The following SLC24A2 variants were observed in gnomAD, a reference collection of about 807,000 sequenced individuals.
SLC24A2 encodes solute carrier family 24 member 2.
In SLC24A2, 36 loss-of-function variants were observed where a neutral mutation model predicts 62.0. That is an observed-to-expected ratio of 0.58 (90% CI 0.44 to 0.77). SLC24A2 has a LOEUF of 0.77. Among genes scored for constraint, SLC24A2 ranks in the 30% least tolerant of loss-of-function variants. SLC24A2 has a pLI of 0.00. For missense variants in SLC24A2, 846 were observed against 817.9 expected, an observed-to-expected ratio of 1.03 and a Z score of -0.42; for synonymous variants, 358 against 294.0, an observed-to-expected ratio of 1.22 and a Z score of -2.23.
At chr9:19,990,922 G>GATATATATATGTGTATAT in the SLC24A2 span, among the ~76,000 whole-genome samples, 84 of 120,814 alleles carry the variant, frequency 7.0e-4, no homozygotes, top group Admixed American at 5.2e-3. Flanking sequence ...GGACTAATAG[G>GATATATATATGTGTATAT]ATATATATAT....
chr9:19,678,668 A>G (rs568945530), intron 2 of SLC24A2, among the ~76,000 whole-genome samples: 1 of 152,304 alleles, frequency 6.6e-6, no homozygotes, highest in African/African-American at 2.4e-5. Flanking sequence ...TTGCCTTTTC[A>G]ACTAACAGAA....
the SLC24A2 span, among the ~76,000 whole-genome samples, chr9:20,008,798 C>A: frequency 3.9e-5 from 6 of 152,266 alleles, no homozygotes; most frequent in East Asian, 1.2e-3. Flanking sequence ...TACTCTACCC[C>A]ACTGGCAGCA....
intron 2 of SLC24A2, among the ~76,000 whole-genome samples, chr9:19,627,630 A>G (rs927840167): frequency 6.6e-6 from 1 of 152,134 alleles, no homozygotes; most frequent in African/African-American, 2.4e-5. Context: ...GGCTCAAGCA[A>G]TCCTCTTGCT....
chr9:19,678,744 A>G (rs1009483948), intron 2 of SLC24A2, among the ~76,000 whole-genome samples: 2 of 152,160 alleles, frequency 1.3e-5, no homozygotes, highest in Non-Finnish European at 2.9e-5. Context: ...ATTTCACTCA[A>G]AGCTCCTCTA....
the SLC24A2 span, among the ~76,000 whole-genome samples, chr9:20,085,893 AAT>A: frequency 3.9e-5 from 6 of 152,052 alleles, no homozygotes; most frequent in Admixed American, 3.9e-4. Context: ...TTCCCTTTGG[AAT>A]TTTTTTTCCC....
intron 9 of SLC24A2, among the ~76,000 whole-genome samples, chr9:19,525,993 A>T (rs1227930779): frequency 1.3e-5 from 2 of 151,638 alleles, no homozygotes; most frequent in African/African-American, 4.8e-5. Flanking sequence ...ACTGGCAGTC[A>T]CTCCCCATTT....
chr9:20,109,659 C>G, the SLC24A2 span, among the ~76,000 whole-genome samples: 1 of 152,106 alleles, frequency 6.6e-6, no homozygotes, highest in Non-Finnish European at 1.5e-5. Context: ...GAAACTTGCT[C>G]CTGGTTTCCT....
intron 2 of SLC24A2, among the ~76,000 whole-genome samples, chr9:19,765,609 A>C (rs1237650196): frequency 1.3e-5 from 2 of 152,204 alleles, no homozygotes; most frequent in African/African-American, 4.8e-5. Flanking sequence ...TTCTTTAAGA[A>C]TGTTGAATAT....
chr9:19,636,458 A>T (rs1818359507), intron 2 of SLC24A2, among the ~76,000 whole-genome samples: 1 of 142,910 alleles, frequency 7.0e-6, no homozygotes, highest in African/African-American at 2.6e-5. Flanking sequence ...TGGAGAGGGC[A>T]TCTCACTCTG....
the SLC24A2 span, among the ~76,000 whole-genome samples, chr9:19,904,389 G>A: frequency 1.3e-5 from 2 of 152,052 alleles, no homozygotes; most frequent in African/African-American, 4.8e-5. Flanking sequence ...CAAAAGACAG[G>A]GGAGAAAATG....
the SLC24A2 span, among the ~76,000 whole-genome samples, chr9:19,992,879 T>A: frequency 1.3e-5 from 2 of 152,314 alleles, no homozygotes; most frequent in East Asian, 3.9e-4. Flanking sequence ...GGACAATCTG[T>A]CGACCTATCA....
chr9:20,004,625 T>C, the SLC24A2 span, among the ~76,000 whole-genome samples: 1 of 152,204 alleles, frequency 6.6e-6, no homozygotes, highest in Non-Finnish European at 1.5e-5. Context: ...TTAATATATT[T>C]AAATTTGTTG....
chr9:19,519,931 C>T (rs1445540010), intron 10 of SLC24A2, among the ~76,000 whole-genome samples: 1 of 152,188 alleles, frequency 6.6e-6, no homozygotes, highest in African/African-American at 2.4e-5. Flanking sequence ...ATCCTACCTA[C>T]CTCATTTACT....
At chr9:19,754,438 G>T (rs1419390411) in intron 2 of SLC24A2, among the ~76,000 whole-genome samples, 1 of 152,170 alleles carries the variant, frequency 6.6e-6, no homozygotes, top group Non-Finnish European at 1.5e-5. Context: ...AATGACAGCG[G>T]GACTGGTGCC....
chr9:19,921,129 C>T, the SLC24A2 span, among the ~76,000 whole-genome samples: 1 of 151,826 alleles, frequency 6.6e-6, no homozygotes, highest in Non-Finnish European at 1.5e-5. Context: ...AACAGTGCAC[C>T]TGTAGTAAAT....
chr9:19,933,731 A>G, the SLC24A2 span, among the ~76,000 whole-genome samples: 1 of 152,262 alleles, frequency 6.6e-6, no homozygotes, highest in Non-Finnish European at 1.5e-5. Flanking sequence ...ATGTTCATCA[A>G]CTGATGAATG....
the SLC24A2 span, among the ~76,000 whole-genome samples, chr9:19,856,132 C>T: frequency 6.6e-6 from 1 of 152,156 alleles, no homozygotes; most frequent in Non-Finnish European, 1.5e-5. Flanking sequence ...TCAGCTCCAT[C>T]AGGTCATTTA....
the SLC24A2 span, among the ~76,000 whole-genome samples, chr9:20,107,479 G>A: frequency 3.9e-5 from 6 of 152,208 alleles, no homozygotes; most frequent in South Asian, 2.1e-4. Flanking sequence ...ACAGCATGGT[G>A]CTGGTACCAA....
At chr9:19,589,359 G>T (rs977487244) in intron 5 of SLC24A2, among the ~76,000 whole-genome samples, 7 of 152,182 alleles carry the variant, frequency 4.6e-5, no homozygotes, top group African/African-American at 1.7e-4. Context: ...AATAACAAAA[G>T]CCAGGTTAGA....
Sources: allele counts gnomAD v4.1 joint callset (sites outside exome capture counted in the v4.1 genomes callset), GRCh38; gene constraint gnomAD v4.1.1; transcripts MANE v1.5; gene names NCBI Gene and HGNC (gene_info 2026-07-23, HGNC 2026-07-21).